The following CEP72 variants were observed in gnomAD, a reference collection of about 807,000 sequenced individuals.
The protein encoded by CEP72 is centrosomal protein of 72 kDa.
In CEP72, 78 loss-of-function variants were observed where a neutral mutation model predicts 65.7. That is an observed-to-expected ratio of 1.19 (90% CI 0.99 to 1.43). The LOEUF (loss-of-function observed/expected upper bound fraction) is 1.43. CEP72 is among the 40% of genes most tolerant of loss of function. The probability of loss-of-function intolerance (pLI) is 0.00; values close to 1 mark genes in which losing one functional copy is unlikely to be tolerated. For missense variants in CEP72, 914 were observed against 832.9 expected (o/e 1.10, Z -1.20); for synonymous variants, 358 against 351.7 (o/e 1.02, Z -0.20).
At chr5:654,057 GTGTGTGTGC>G (rs973910998), downstream of CEP72, among the ~76,000 whole-genome samples, 5 of 147,162 alleles carry the variant, frequency 3.4e-5, no homozygotes, top group Non-Finnish European at 6.0e-5. Flanking sequence ...TGCTAGCTGT[GTGTGTGTGC>G]TGTGTGTGCG....
At chr5:672,496 TCCTC>T in the CEP72 span, among the ~76,000 whole-genome samples, 1 of 152,216 alleles carries the variant, frequency 6.6e-6, no homozygotes, top group African/African-American at 2.4e-5. Flanking sequence ...CAGCCCTCCT[TCCTC>T]TGCCTCATCG....
At position 638,585 on chromosome 5, in the gene CEP72, G is replaced by A. The variant is rs528433777; in HGVS notation, c.1207-504G>A. Among the ~76,000 whole-genome samples the A allele has an allele frequency of 2.3e-4, 35 of 152,130 alleles. No homozygotes were observed. In the East Asian group the frequency reaches 6.8e-3, roughly 29 times the overall value. ...GGGTGGGGGGGGGTCCCAGAGCTGG[G>A]TGGGGCGTGTTTGACGTCCCCGGCA... On this transcript the variant is annotated intron_variant, in intron 7 of 11. Coordinates refer to ENST00000264935, the MANE Select transcript of CEP72 (RefSeq NM_018140.4).
At chr5:628,786 C>T (rs1471148622) in intron 4 of CEP72, among the ~76,000 whole-genome samples, 1 of 141,924 alleles carries the variant, frequency 7.0e-6, no homozygotes, top group Non-Finnish European at 1.6e-5. Context: ...ACCCAGCCCC[C>T]TTCTTTGTGC....
rs1037938640 is a variant in CEP72 at position 653,071 on chromosome 5, A to C, written c.1862A>C (p.His621Pro). 6.2e-7 allele frequency: 1 copy of C among 1,613,900 alleles called. No individual in the cohort carries two copies. Among genetic ancestry groups the C allele is most frequent in the South Asian group, 1.1e-5 (1 of 91,080 alleles). The change falls in exon 12 of 12, where the codon CAC becomes CCC. Residue 621 changes from histidine to proline, a missense_variant. By Grantham distance (77) the His-to-Pro change is moderately conservative. Transcript: ENST00000264935. Reference protein sequence around the residue: ...AQHRAEVEQMHWSYQELKKTM... With the variant: ...AQHRAEVEQMPWSYQELKKTM... Reference sequence around the variant, plus strand: ...CACAGAGCCGAGGTGGAGCAGATGCACTGGAGCTACCAGGAGCTCAAGAAG... The same window carrying C: ...CACAGAGCCGAGGTGGAGCAGATGCCCTGGAGCTACCAGGAGCTCAAGAAG...
rs572576304 is a variant in CEP72 at position 639,348 on chromosome 5, G to A, written c.1342+124G>A. 143 of 1,149,564 alleles carry A rather than the reference G, an allele frequency of 1.2e-4. 3 individuals are homozygous for A. The South Asian group carries it at 2.0e-3, about 16-fold the overall frequency. 71.2% of individuals were successfully genotyped at this position (1,149,564 alleles called of 1,614,324 possible). A position where few individuals can be genotyped will look rare whatever the true frequency, so the allele number is the denominator to read the frequency against. ...GTCTCCTATGTCCCCTCCCACGAGCGTGTGGTGGTCCCGCGCCTGGGCCCT... is the reference window on the plus strand; with the variant it reads ...GTCTCCTATGTCCCCTCCCACGAGCATGTGGTGGTCCCGCGCCTGGGCCCT... On this transcript the variant is annotated intron_variant, in intron 8 of 11. Coordinates refer to ENST00000264935, the MANE Select transcript of CEP72 (RefSeq NM_018140.4).
At chr5:634,041 G>A in intron 5 of CEP72, 94 bp downstream of exon 5, 1 of 1,170,900 alleles carries the variant, frequency 8.5e-7, no homozygotes, top group South Asian at 1.5e-5. Flanking sequence ...TGCTCTTTTT[G>A]TGGAACTTAC....
rs202203396 is a variant in CEP72, at chr5:644,208, C to T, written c.1540-91C>T. 3.8e-4 allele frequency: 539 copies of T among 1,422,912 alleles called. 5 individuals are homozygous for T. The African/African-American group carries it at 7.0e-3, about 19-fold the overall frequency. 88.1% of individuals were successfully genotyped at this position (1,422,912 alleles called of 1,614,324 possible). A position where few individuals can be genotyped will look rare whatever the true frequency, so the allele number is the denominator to read the frequency against. On this transcript the variant is annotated intron_variant, in intron 9 of 11. Coordinates refer to ENST00000264935, the MANE Select transcript of CEP72 (RefSeq NM_018140.4). ...TGACTCCCAAGTATGCAGAAGGAAC[C>T]CTCTGGGGATTCTCAGGTTTCAGTT...
At position 653,244 on chromosome 5, in the gene CEP72, G is replaced by A. The variant is rs1456574684; in HGVS notation, c.*91G>A. 3 of 1,241,610 alleles carry A rather than the reference G, an allele frequency of 2.4e-6. No individual in the cohort carries two copies. The highest frequency in any genetic ancestry group is 2.6e-5 in the East Asian group (1 of 38,130). 76.9% of individuals were successfully genotyped at this position (1,241,610 alleles called of 1,614,324 possible). On this transcript the variant is annotated 3_prime_UTR_variant, in exon 12 of 12. Coordinates refer to ENST00000264935, the MANE Select transcript of CEP72 (RefSeq NM_018140.4). ...ACTTCTTTATTGAGTGTACTGGCTG[G>A]CAAGAGTTCTCTCTTCTGTTGGTAA...
intron 9 of CEP72, chr5:642,792 C>T: frequency 1.0e-6 from 1 of 985,464 alleles, no homozygotes; most frequent in Non-Finnish European, 1.2e-6. Flanking sequence ...AGCAGCCGTG[C>T]AGGCTGGTGG....
intron 9 of CEP72, chr5:642,492 A>C: frequency 1.0e-6 from 1 of 985,506 alleles, no homozygotes; most frequent in Non-Finnish European, 1.2e-6. Flanking sequence ...ACAGTCAGGC[A>C]CACCCCTTGC....
intron 4 of CEP72, among the ~76,000 whole-genome samples, chr5:625,244 A>C (rs756354325): frequency 5.3e-5 from 8 of 152,244 alleles, no homozygotes; most frequent in Non-Finnish European, 1.2e-4. Flanking sequence ...GGCAGAAATC[A>C]GTGGACTCTG....
At chr5:648,043 T>C in intron 11 of CEP72, 127 bp downstream of exon 11, 1 of 624,016 alleles carries the variant, frequency 1.6e-6, no homozygotes, top group East Asian at 2.8e-5. Flanking sequence ...TGGCCGATGA[T>C]ATCCAGGACC....
At position 643,129 on chromosome 5, in the gene CEP72, C is replaced by T. The variant is rs1445002540; in HGVS notation, c.1540-1170C>T. 8 of 973,538 alleles carry T rather than the reference C, an allele frequency of 8.2e-6. No homozygotes were observed. The South Asian group carries it at 1.4e-4, about 17-fold the overall frequency. 60.3% of individuals were successfully genotyped at this position (973,538 alleles called of 1,614,324 possible). The stretch of plus-strand genomic sequence containing the variant: ...TTTTGGGAGGTAGAGGCAGGAGGCT[C>T]AGGAGTTGGGGGCTGCAGTGAGCTG... On this transcript the variant is annotated intron_variant, in intron 9 of 11. Transcript: ENST00000264935.
At chr5:665,340 A>G (rs575356943) in intron 3 of CEP72, 9 of 1,559,992 alleles carry the variant, frequency 5.8e-6, no homozygotes, top group African/African-American at 1.4e-5. Context: ...GTTGCGAGCC[A>G]GGTGAGGCCA....
downstream of CEP72, among the ~76,000 whole-genome samples, chr5:654,030 C>T (rs78853856): frequency 1.9e-3 from 176 of 94,280 alleles, 2 homozygotes; most frequent in East Asian, 2.7e-3. Context: ...CGCTAGTGTG[C>T]GCTTGCTGTG....
intron 1 of CEP72, among the ~76,000 whole-genome samples, chr5:613,112 G>A (rs1447680318): frequency 6.6e-6 from 1 of 152,230 alleles, no homozygotes; most frequent in African/African-American, 2.4e-5. Flanking sequence ...TTGGCTGTGT[G>A]GGGTTTTGTG....
At position 623,614 on chromosome 5, in the gene CEP72, C is replaced by T. The variant is rs577944772; in HGVS notation, c.404-857C>T. Among the ~76,000 whole-genome samples, 43 of 151,200 alleles carry T rather than the reference C, an allele frequency of 2.8e-4. No individual in the cohort carries two copies. The highest frequency in any genetic ancestry group is 1.0e-3 in the African/African-American group (43 of 41,218). ...GAGTCTTGGTGGGCAGAGAGCTATG[C>T]GTCGTTAGTGCGGGGCTGGTGAAGG... On this transcript the variant is annotated intron_variant, in intron 3 of 11. Transcript: ENST00000264935. The surrounding 1 kb of genome is among the most constrained non-coding windows in gnomAD (Gnocchi z 5.3).
At chr5:643,003 A>G in intron 9 of CEP72, 1 of 985,462 alleles carries the variant, frequency 1.0e-6, no homozygotes, top group South Asian at 4.7e-5. Flanking sequence ...GGCTGCGCCC[A>G]GCTTGGGTGC....
chr5:653,811 G>A (rs1200554979), downstream of CEP72, among the ~76,000 whole-genome samples: 1 of 152,184 alleles, frequency 6.6e-6, no homozygotes, highest in East Asian at 1.9e-4. Context: ...GTCATAATAG[G>A]ACACAAAACT....
Sources: gnomAD v4.1 joint callset for allele counts (sites outside exome capture counted in the v4.1 genomes callset) on GRCh38, gnomAD v4.1.1 for gene constraint, Gnocchi (gnomAD v3.1) non-coding constraint, MANE v1.5 for transcripts, NCBI Gene and HGNC (gene_info 2026-07-23, HGNC 2026-07-21) for gene names.